The following CDYL variants were observed in gnomAD, a reference collection of about 807,000 sequenced individuals.
CDYL encodes chromodomain Y-like protein.
Under a neutral mutation model 47.3 loss-of-function variants are expected in CDYL, and 8 were observed. The observed-to-expected ratio is 0.17, with a 90% CI of 0.10 to 0.31. The LOEUF (loss-of-function observed/expected upper bound fraction) is 0.31, where lower values mean the gene tolerates loss of function less well. Among genes scored for constraint, CDYL ranks in the 10% least tolerant of loss-of-function variants. The pLI is 1.00. For synonymous variants in CDYL, 266 were observed against 265.0 expected (o/e 1.00, Z -0.04); for missense variants, 471 against 701.4 (o/e 0.67, Z 3.71).
intron 1 of CDYL, among the ~76,000 whole-genome samples, chr6:4,844,274 C>T (rs1398459169): frequency 6.6e-6 from 1 of 152,150 alleles, no homozygotes; most frequent in Admixed American, 6.5e-5. Flanking sequence ...GTTGGTTGGC[C>T]TCCAGCCAGT....
In CDYL at chr6:4,708,452, A is replaced by C. The variant is rs1757086691; in HGVS notation, c.-39+2201A>C. On this transcript the variant is annotated intron_variant, in intron 1 of 8. Transcript: ENST00000328908. ...TGGGATTACAGTTATGAGCCACCACACCTGGCCATATATTTTTAATTGTAT... is the reference window on the plus strand; with the variant it reads ...TGGGATTACAGTTATGAGCCACCACCCCTGGCCATATATTTTTAATTGTAT... Among the ~76,000 whole-genome samples the C allele has an allele frequency of 2.6e-5, 4 of 151,962 alleles. No homozygotes were observed. The South Asian group carries it at 8.3e-4, about 32-fold the overall frequency.
At chr6:4,939,527 TA>T in intron 4 of CDYL, among the ~76,000 whole-genome samples, 1 of 152,270 alleles carries the variant, frequency 6.6e-6, no homozygotes, top group East Asian at 1.9e-4. Context: ...TTTTGAATGT[TA>T]CCTTTTACAG....
intron 3 of CDYL, among the ~76,000 whole-genome samples, chr6:4,749,467 GATGGATGGATGA>G (rs66892548): frequency 0.7 from 106,453 of 151,666 alleles, 42,354 homozygotes; most frequent in Non-Finnish European, 0.89. Flanking sequence ...ATATGTGATG[GATGGATGGATGA>G]ATGGATGGAT....
At chr6:4,847,761 A>G (rs1281523887) in intron 1 of CDYL, among the ~76,000 whole-genome samples, 3 of 152,170 alleles carry the variant, frequency 2.0e-5, no homozygotes, top group Admixed American at 2.0e-4. Context: ...AACATTTACA[A>G]CTTCTGCTGT....
chr6:4,864,649 A>G (rs988865118), intron 1 of CDYL, among the ~76,000 whole-genome samples: 26 of 152,214 alleles, frequency 1.7e-4, no homozygotes, highest in African/African-American at 5.3e-4. Context: ...GTGACACTGA[A>G]TAAGTCTCAC....
In CDYL at chr6:4,723,659, G is replaced by A. The variant is rs9504220; in HGVS notation, c.103+7778G>A. Among the ~76,000 whole-genome samples the A allele has an allele frequency of 8.9e-3, 1,362 of 152,250 alleles. 24 individuals carry two copies. Among genetic ancestry groups the A allele is most frequent in the African/African-American group, 0.032 (1,313 of 41,532 alleles). The stretch of plus-strand genomic sequence containing the variant: ...TCCCACTGGGTAAATCTGACTACAA[G>A]GCAGAGGAAGGGGGCTTGTTGATGG... On this transcript the variant is annotated intron_variant, in intron 2 of 8. Coordinates refer to the CDYL transcript ENST00000328908.
At chr6:4,781,944 G>A (rs1758628543) in intron 1 of CDYL, among the ~76,000 whole-genome samples, 1 of 151,984 alleles carries the variant, frequency 6.6e-6, no homozygotes, top group African/African-American at 2.4e-5. Context: ...AATTTTCAAT[G>A]TTTGGATGGA....
At chr6:4,825,149 G>C (rs1759945721) in intron 1 of CDYL, among the ~76,000 whole-genome samples, 1 of 152,180 alleles carries the variant, frequency 6.6e-6, no homozygotes, top group Non-Finnish European at 1.5e-5. Context: ...GGGATTTCAG[G>C]CATGAATCAC....
intron 1 of CDYL, among the ~76,000 whole-genome samples, chr6:4,830,470 C>T (rs1285930883): frequency 1.3e-5 from 2 of 152,184 alleles, no homozygotes; most frequent in African/African-American, 4.8e-5. Context: ...CATTTACTGG[C>T]AGGCACTCCA....
chr6:4,899,103 C>G (rs1756929169), intron 2 of CDYL, among the ~76,000 whole-genome samples: 2 of 152,314 alleles, frequency 1.3e-5, no homozygotes, highest in Non-Finnish European at 2.9e-5. Flanking sequence ...AGTTTTTAGT[C>G]TAGAGCCTTT....
rs1758147587 is a variant in CDYL at position 4,759,932 on chromosome 6, GAAAGAAAAGAAAAGAAAGA to G, written c.186+25091_186+25109del. ...AAAAAAAAAAAAAAAAAAAGAAGAAGAAAGAAAAGAAAAGAAAGAAAGAAAAAAGAAAAACAAAAGAAAT... is the reference window on the plus strand; with the variant it reads ...AAAAAAAAAAAAAAAAAAAGAAGAAGAAGAAAAAAGAAAAACAAAAGAAAT... On this transcript the variant is annotated intron_variant, in intron 3 of 8. Transcript: ENST00000328908. Among the ~76,000 whole-genome samples, 3 of 61,500 alleles carry G rather than the reference GAAAGAAAAGAAAAGAAAGA, an allele frequency of 4.9e-5. 1 individual carries two copies. The highest frequency in any genetic ancestry group is 1.6e-4 in the African/African-American group (3 of 18,836). The allele number at this position is 61,500 out of a possible 152,430, so 40.3% of individuals were successfully genotyped here. A position where few individuals can be genotyped will look rare whatever the true frequency, so the allele number is the denominator to read the frequency against.
At chr6:4,715,753 G>A in exon 2 of CDYL, 1 of 1,613,384 alleles carries the variant, frequency 6.2e-7, no homozygotes, top group Non-Finnish European at 8.5e-7. Context: ...GGTCATCAGA[G>A]AACACAGAGC....
At chr6:4,838,114 T>C (rs1024142732) in intron 1 of CDYL, among the ~76,000 whole-genome samples, 4 of 152,192 alleles carry the variant, frequency 2.6e-5, no homozygotes, top group Non-Finnish European at 5.9e-5. Flanking sequence ...ATGTATCTAT[T>C]GTAATGCCTT....
intron 2 of CDYL, among the ~76,000 whole-genome samples, chr6:4,905,794 T>C (rs941491151): frequency 3.5e-4 from 54 of 152,374 alleles, no homozygotes; most frequent in African/African-American, 1.2e-3. Context: ...TTTATTTTAT[T>C]TATTTTTCAT....
chr6:4,881,177 G>A (rs75920391), intron 1 of CDYL, among the ~76,000 whole-genome samples: 1 of 152,102 alleles, frequency 6.6e-6, no homozygotes, highest in African/African-American at 2.4e-5. Flanking sequence ...TGTTGATAGG[G>A]TTTGATTTGG....
intron 5 of CDYL, 136 bp downstream of exon 5, chr6:4,943,892 G>T (rs1166229640): frequency 3.0e-6 from 2 of 659,896 alleles, no homozygotes; most frequent in Non-Finnish European, 4.9e-6. Flanking sequence ...ATTCAGATTT[G>T]GGTTCATAGA....
intron 5 of CDYL, among the ~76,000 whole-genome samples, chr6:4,950,704 G>A (rs969332334): frequency 2.0e-5 from 3 of 152,036 alleles, no homozygotes; most frequent in African/African-American, 7.2e-5. Context: ...CCAGGCGGGC[G>A]GATCACGAGG....
At chr6:4,779,090 G>A (rs1475631453) in intron 1 of CDYL, among the ~76,000 whole-genome samples, 1 of 152,146 alleles carries the variant, frequency 6.6e-6, no homozygotes, top group Non-Finnish European at 1.5e-5. Context: ...CCTGAAACCT[G>A]GTTTTGTTTC....
Position 4,759,784 on chromosome 6 carries a change from C to T in CDYL, c.186+24940C>T, listed in dbSNP as rs554664360. On this transcript the variant is annotated intron_variant, in intron 3 of 8. Transcript: ENST00000328908. Reference sequence around the variant, plus strand: ...ATCCCAGCTACTCAGGAGGCTGAGGCAGGAGAATCGCTTGAACCCAGGAGG... The same window carrying T: ...ATCCCAGCTACTCAGGAGGCTGAGGTAGGAGAATCGCTTGAACCCAGGAGG... 4.0e-5 allele frequency among the ~76,000 whole-genome samples: 6 copies of T among 148,404 alleles called. No homozygotes were observed. In the South Asian group the frequency reaches 8.7e-4, roughly 21 times the overall value.
Sources: gnomAD v4.1 joint callset for allele counts (sites outside exome capture counted in the v4.1 genomes callset) on GRCh38, gnomAD v4.1.1 for gene constraint, MANE v1.5 for transcripts, NCBI Gene and HGNC (gene_info 2026-07-23, HGNC 2026-07-21) for gene names.